ADCY2: variants seen among roughly 807,000 people sequenced by gnomAD.
ADCY2 encodes adenylate cyclase type 2.
A neutral mutation model predicts 125.2 loss-of-function variants in ADCY2; 31 were observed. The observed-to-expected ratio is 0.25, with a 90% CI of 0.19 to 0.33. The LOEUF is 0.33. Among genes scored for constraint, ADCY2 ranks in the 10% least tolerant of loss-of-function variants. The probability of loss-of-function intolerance (pLI) is 1.00; values close to 1 mark genes in which losing one functional copy is unlikely to be tolerated. For missense variants in ADCY2, 904 were observed against 1,418.2 expected (o/e 0.64, Z 5.82); for synonymous variants, 512 against 548.4 (o/e 0.93, Z 0.93).
intron 2 of ADCY2, among the ~76,000 whole-genome samples, chr5:7,419,033 T>C (rs1561014968): frequency 6.6e-6 from 1 of 152,154 alleles, no homozygotes. Flanking sequence ...TTCACTTTGC[T>C]CAAGAAAGCA....
chr5:7,733,809 A>G (rs1006722136), intron 14 of ADCY2, among the ~76,000 whole-genome samples: 2 of 152,164 alleles, frequency 1.3e-5, no homozygotes, highest in African/African-American at 4.8e-5. Flanking sequence ...AGCCCTTATC[A>G]TTGCTGTAAA....
Position 7,709,039 on chromosome 5 carries a change from T to G in ADCY2, c.1402-172T>G, listed in dbSNP as rs563802457. Among the ~76,000 whole-genome samples, 1,015 of 152,218 alleles carry G rather than the reference T, an allele frequency of 6.7e-3. 7 individuals are homozygous for G. The highest frequency in any genetic ancestry group is 0.024 in the Middle Eastern group (7 of 294). The stretch of plus-strand genomic sequence containing the variant: ...TTTTGCTAGCTGAAAAAAGATTCCC[T>G]CAACTCAAATAGTGTGTTCCCCAGT... On this transcript the variant is annotated intron_variant, in intron 9 of 24. Coordinates refer to ENST00000338316, the MANE Select transcript of ADCY2 (RefSeq NM_020546.3). This position sits in a 1 kb window ranked among gnomAD's most constrained non-coding sequence, Gnocchi z 4.4.
chr5:7,492,291 T>G (rs1169935076), intron 2 of ADCY2, among the ~76,000 whole-genome samples: 2 of 152,190 alleles, frequency 1.3e-5, no homozygotes, highest in East Asian at 3.9e-4. Flanking sequence ...GAGGTGCGAT[T>G]GTAAAGACCT....
intron 13 of ADCY2, among the ~76,000 whole-genome samples, chr5:7,725,082 T>C (rs1394544254): frequency 1.3e-5 from 2 of 152,210 alleles, no homozygotes; most frequent in Non-Finnish European, 2.9e-5. Flanking sequence ...AATACTTTCA[T>C]ATTATGGCTT....
intron 4 of ADCY2, among the ~76,000 whole-genome samples, chr5:7,681,785 TA>T (rs151303682): frequency 0.042 from 6,308 of 151,918 alleles, 435 homozygotes; most frequent in African/African-American, 0.14. Context: ...CAAAACCATT[TA>T]AAAAAAGGGG....
At chr5:7,422,972 G>A (rs1297555738) in intron 2 of ADCY2, among the ~76,000 whole-genome samples, 1 of 152,118 alleles carries the variant, frequency 6.6e-6, no homozygotes, top group African/African-American at 2.4e-5. Context: ...GTAGAAAAAT[G>A]CAACCTAGAA....
At chr5:7,810,779 A>G (rs1044769762) in intron 22 of ADCY2, among the ~76,000 whole-genome samples, 5 of 152,116 alleles carry the variant, frequency 3.3e-5, no homozygotes, top group African/African-American at 9.7e-5. Context: ...CTCCACTACT[A>G]TAGTCCACAC....
intron 18 of ADCY2, 139 bp from the exon 19 acceptor site, chr5:7,784,226 A>T: frequency 1.6e-6 from 1 of 621,634 alleles, no homozygotes; most frequent in South Asian, 2.2e-5. Flanking sequence ...TTGGAAGGAG[A>T]TTTGAAACTT....
At chr5:7,590,410 C>A (rs973573647) in intron 3 of ADCY2, among the ~76,000 whole-genome samples, 1 of 152,064 alleles carries the variant, frequency 6.6e-6, no homozygotes, top group East Asian at 1.9e-4. Flanking sequence ...TAAATGTTGG[C>A]TATTCTTTTT....
intron 13 of ADCY2, 143 bp downstream of exon 13, chr5:7,724,757 CT>C: frequency 1.5e-6 from 1 of 648,292 alleles, no homozygotes; most frequent in Non-Finnish European, 2.7e-6. Flanking sequence ...TCTGGTGGTT[CT>C]TTCATGCATA....
At chr5:7,820,109 G>A (rs527841011) in intron 23 of ADCY2, among the ~76,000 whole-genome samples, 83 of 152,012 alleles carry the variant, frequency 5.5e-4, no homozygotes, top group African/African-American at 2.0e-3. Flanking sequence ...CAAAATCAAA[G>A]GAGAATTTAT....
At chr5:7,603,973 G>A (rs1485024307) in intron 3 of ADCY2, among the ~76,000 whole-genome samples, 3 of 58,118 alleles carry the variant, frequency 5.2e-5, no homozygotes, top group African/African-American at 2.3e-4. Context: ...CCCCTCCCCC[G>A]ACCCCACCAC....
chr5:7,539,912 C>T (rs1405639429), intron 3 of ADCY2, among the ~76,000 whole-genome samples: 1 of 152,232 alleles, frequency 6.6e-6, no homozygotes, highest in Non-Finnish European at 1.5e-5. Context: ...TATCACCCCA[C>T]AAAGTCCTTG....
At chr5:7,606,353 A>G (rs1437223026) in intron 3 of ADCY2, among the ~76,000 whole-genome samples, 1 of 152,240 alleles carries the variant, frequency 6.6e-6, no homozygotes, top group Non-Finnish European at 1.5e-5. Flanking sequence ...TGACTGAGTG[A>G]CAGTGTTCCT....
At position 7,697,544 on chromosome 5, in the gene ADCY2, A is replaced by G. The variant is rs553314769; in HGVS notation, c.982-703A>G. ...GTCTCAGAATAGCTGTTTGGGAAGTATGGGAGGGAAGCTTGATTTATAGAA... is the reference window on the plus strand; with the variant it reads ...GTCTCAGAATAGCTGTTTGGGAAGTGTGGGAGGGAAGCTTGATTTATAGAA... On this transcript the variant is annotated intron_variant, in intron 6 of 24. Coordinates refer to ENST00000338316, the MANE Select transcript of ADCY2 (RefSeq NM_020546.3). 5.3e-5 allele frequency among the ~76,000 whole-genome samples: 8 copies of G among 152,338 alleles called. No individual in the cohort carries two copies. The South Asian group carries it at 1.5e-3, about 28-fold the overall frequency.
intron 2 of ADCY2, among the ~76,000 whole-genome samples, chr5:7,467,732 C>T (rs367653942): frequency 2.6e-5 from 4 of 152,190 alleles, no homozygotes; most frequent in South Asian, 4.1e-4. Context: ...ATTCCTCTCT[C>T]TCTACAGTCT....
In ADCY2 at chr5:7,675,558, G is replaced by A. The variant is rs78646778; in HGVS notation, c.721-15133G>A. Among the ~76,000 whole-genome samples, 1,212 of 152,264 alleles carry A rather than the reference G, an allele frequency of 8.0e-3. 14 individuals are homozygous for A. Among genetic ancestry groups the A allele is most frequent in the African/African-American group, 0.028 (1,150 of 41,534 alleles). On this transcript the variant is annotated intron_variant, in intron 4 of 24. Transcript: ENST00000338316. ...ACTTGTCAAAAGAGACTTTGCGCCC[G>A]TCGAGGCTAACATATGAAGGTTTTC...
At chr5:7,440,992 C>T (rs73044531) in intron 2 of ADCY2, among the ~76,000 whole-genome samples, 7,537 of 152,148 alleles carry the variant, frequency 0.05, 644 homozygotes, top group African/African-American at 0.17. Context: ...AGGCAGGGAA[C>T]GGAGCTGCAG....
chr5:7,517,791 T>C (rs1282069754), intron 2 of ADCY2, among the ~76,000 whole-genome samples: 1 of 152,206 alleles, frequency 6.6e-6, no homozygotes, highest in Non-Finnish European at 1.5e-5. Context: ...TGCCGAAGTA[T>C]ATTTTAATGG....
Sources: gnomAD v4.1 joint callset for allele counts (sites outside exome capture counted in the v4.1 genomes callset) on GRCh38, gnomAD v4.1.1 for gene constraint, Gnocchi (gnomAD v3.1) non-coding constraint, MANE v1.5 for transcripts, NCBI Gene and HGNC (gene_info 2026-07-23, HGNC 2026-07-21) for gene names.